Variants in RBFOX2 observed in about 807,000 individuals in gnomAD.
The protein encoded by RBFOX2 is RNA binding protein fox-1 homolog 2.
In RBFOX2, 10 loss-of-function variants were observed where a neutral mutation model predicts 49.1. That is an observed-to-expected ratio of 0.20 (90% CI 0.13 to 0.35). The LOEUF is 0.35. Among genes scored for constraint, RBFOX2 ranks in the 10% least tolerant of loss-of-function variants. RBFOX2 has a pLI of 1.00. For missense variants in RBFOX2, 323 were observed against 486.9 expected (o/e 0.66, Z 3.17); for synonymous variants, 183 against 187.4 (o/e 0.98, Z 0.19).
At chr22:36,016,192 A>G (rs1039022350) in intron 1 of RBFOX2, among the ~76,000 whole-genome samples, 1 of 152,178 alleles carries the variant, frequency 6.6e-6, no homozygotes, top group Non-Finnish European at 1.5e-5. Context: ...TTTGTATGGG[A>G]AAAAGCTTCT....
intron 1 of RBFOX2, among the ~76,000 whole-genome samples, chr22:35,828,421 G>A (rs913539831): frequency 3.9e-5 from 6 of 152,172 alleles, no homozygotes; most frequent in Non-Finnish European, 7.4e-5. Flanking sequence ...AGACCTAGAA[G>A]TCTGGAGAAG....
intron 1 of RBFOX2, among the ~76,000 whole-genome samples, chr22:35,984,868 C>G (rs2057632152): frequency 6.6e-6 from 1 of 152,102 alleles, no homozygotes; most frequent in Non-Finnish European, 1.5e-5. Flanking sequence ...GTTCAAATGC[C>G]TCCTTTAGTC....
At chr22:35,953,210 C>CAAAAA (rs34387129) in intron 1 of RBFOX2, among the ~76,000 whole-genome samples, 21 of 22,278 alleles carry the variant, frequency 9.4e-4, no homozygotes, top group Admixed American at 1.5e-3. Flanking sequence ...GACTCCATCT[C>CAAAAA]AAAAAAAAAA....
intron 1 of RBFOX2, among the ~76,000 whole-genome samples, chr22:36,000,925 A>G (rs1404166794): frequency 2.0e-5 from 3 of 152,188 alleles, no homozygotes; most frequent in Non-Finnish European, 4.4e-5. Flanking sequence ...ACTGTTACAG[A>G]TCATCTTGAT....
Position 35,746,575 on chromosome 22 carries a change from G to T in RBFOX2, c.888-14C>A. The T allele has an allele frequency of 6.6e-7, 1 of 1,523,642 alleles. No homozygotes were observed. Among genetic ancestry groups the T allele is most frequent in the Non-Finnish European group, 8.9e-7 (1 of 1,121,394 alleles). The allele number at this position is 1,523,642 out of a possible 1,614,324, so 94.4% of individuals were successfully genotyped here. A position where few individuals can be genotyped will look rare whatever the true frequency, so the allele number is the denominator to read the frequency against. On this transcript the variant is annotated splice_polypyrimidine_tract_variant and intron_variant, in intron 9 of 11. Transcript: ENST00000405409. Reference sequence around the variant, plus strand: ...TGCATATCCACCCTACAGGAGAGAAGAGAACTGACTTTACAGATACCTCTC... The same window carrying T: ...TGCATATCCACCCTACAGGAGAGAATAGAACTGACTTTACAGATACCTCTC...
intron 1 of RBFOX2, among the ~76,000 whole-genome samples, chr22:35,818,286 G>C (rs936252183): frequency 6.6e-6 from 1 of 152,134 alleles, no homozygotes; most frequent in Non-Finnish European, 1.5e-5. Context: ...TCAGCTACCT[G>C]CTTCTTTGGA....
At chr22:35,745,383 A>C (rs1258944374) in intron 11 of RBFOX2, among the ~76,000 whole-genome samples, 1 of 152,164 alleles carries the variant, frequency 6.6e-6, no homozygotes, top group African/African-American at 2.4e-5. Flanking sequence ...TACTTCTATC[A>C]ACAACACCAT....
At chr22:35,748,907 G>T (rs1309325225) in intron 9 of RBFOX2, among the ~76,000 whole-genome samples, 3 of 152,218 alleles carry the variant, frequency 2.0e-5, no homozygotes, top group Non-Finnish European at 1.5e-5. Flanking sequence ...AGGTACTGGA[G>T]GTACGATCTC....
rs769622592 is a variant in RBFOX2 at position 35,749,583 on chromosome 22, C to A, written c.888-3022G>T. Among the ~76,000 whole-genome samples the A allele has an allele frequency of 1.2e-4, 18 of 152,008 alleles. No individual in the cohort carries two copies. Among genetic ancestry groups the A allele is most frequent in the Non-Finnish European group, 2.2e-4 (15 of 68,002 alleles). On this transcript the variant is annotated intron_variant, in intron 9 of 11. Transcript: ENST00000405409. The surrounding 1 kb of genome is among the most constrained non-coding windows in gnomAD (Gnocchi z 4.1). ...CTGCTTTATTCAACAAAACATATCA[C>A]AAAATGTGAGAAAAAGAAAATTCAG...
chr22:35,870,271 G>A (rs1247602487), intron 1 of RBFOX2, among the ~76,000 whole-genome samples: 2 of 152,148 alleles, frequency 1.3e-5, no homozygotes, highest in Non-Finnish European at 2.9e-5. Context: ...CACTTTGGGA[G>A]GCTGAGGCAG....
chr22:35,884,107 C>T (rs1168000268), intron 1 of RBFOX2, among the ~76,000 whole-genome samples: 1 of 151,116 alleles, frequency 6.6e-6, no homozygotes, highest in Non-Finnish European at 1.5e-5. Context: ...AGGTGATCCT[C>T]CCACCTCAGC....
intron 4 of RBFOX2, among the ~76,000 whole-genome samples, chr22:35,773,285 G>T (rs1363146188): frequency 6.6e-6 from 1 of 151,998 alleles, no homozygotes; most frequent in Non-Finnish European, 1.5e-5. Flanking sequence ...CAAATTACTT[G>T]TGTCTAAGGA....
chr22:35,811,665 T>C (rs373493121), intron 1 of RBFOX2, among the ~76,000 whole-genome samples: 1 of 152,174 alleles, frequency 6.6e-6, no homozygotes, highest in African/African-American at 2.4e-5. Flanking sequence ...TTGCTTTACA[T>C]AAAAATTTTC....
intron 9 of RBFOX2, 60 bp from the exon 11 acceptor site, chr22:35,756,204 G>T: frequency 6.9e-7 from 1 of 1,448,714 alleles, no homozygotes; most frequent in South Asian, 1.4e-5. Context: ...AACACATTCC[G>T]GTTATTGAGG....
At chr22:35,874,889 T>TTCTA (rs1464467458) in intron 1 of RBFOX2, among the ~76,000 whole-genome samples, 7 of 152,152 alleles carry the variant, frequency 4.6e-5, no homozygotes, top group African/African-American at 1.7e-4. Flanking sequence ...GTACCTGTAT[T>TTCTA]AGGAGATGGA....
intron 1 of RBFOX2, among the ~76,000 whole-genome samples, chr22:35,856,669 T>C (rs1603417145): frequency 6.7e-6 from 1 of 148,498 alleles, no homozygotes. Flanking sequence ...GGGCTTGAGC[T>C]GGAAGGATGA....
chr22:35,931,777 A>G (rs1477432602), intron 1 of RBFOX2, among the ~76,000 whole-genome samples: 1 of 152,226 alleles, frequency 6.6e-6, no homozygotes, highest in Admixed American at 6.5e-5. Flanking sequence ...TCCATCTCAA[A>G]AAAATAAAGG....
intron 1 of RBFOX2, among the ~76,000 whole-genome samples, chr22:36,008,574 T>G (rs1184963380): frequency 1.3e-5 from 2 of 152,160 alleles, no homozygotes; most frequent in African/African-American, 4.8e-5. Flanking sequence ...CCCAGCACTT[T>G]GGGAGCCCGA....
chr22:35,745,870 G>C, intron 11 of RBFOX2, 53 bp downstream of exon 13: 2 of 1,529,742 alleles, frequency 1.3e-6, no homozygotes, highest in Non-Finnish European at 1.8e-6. Flanking sequence ...TAGTCTACGG[G>C]TAAAAGAAGG....
Sources: gnomAD v4.1 joint callset for allele counts (sites outside exome capture counted in the v4.1 genomes callset) on GRCh38, gnomAD v4.1.1 for gene constraint, Gnocchi (gnomAD v3.1) non-coding constraint, MANE v1.5 for transcripts, NCBI Gene and HGNC (gene_info 2026-07-23, HGNC 2026-07-21) for gene names.